Variants in MICU1 observed in about 807,000 individuals in gnomAD.
The protein encoded by MICU1 is mitochondrial calcium uptake 1.
Under a neutral mutation model 56.8 loss-of-function variants are expected in MICU1, and 45 were observed. The ratio of observed to expected loss-of-function variants is 0.79; its 90% CI spans 0.62 to 1.02. The LOEUF (loss-of-function observed/expected upper bound fraction) is 1.02. Ranked by LOEUF, MICU1 falls within the 50% of genes least tolerant of loss-of-function variation. MICU1 has a pLI of 0.00. For missense variants in MICU1, 504 were observed against 587.1 expected (o/e 0.86, Z 1.46); for synonymous variants, 186 against 195.1 (o/e 0.95, Z 0.39).
chr10:72,555,081 T>A (rs747531592), intron 3 of MICU1, among the ~76,000 whole-genome samples: 2 of 152,036 alleles, frequency 1.3e-5, no homozygotes, highest in African/African-American at 4.8e-5. Context: ...CTATGTGACG[T>A]TGAACAATAA....
At position 72,496,270 on chromosome 10, in the gene MICU1, T is replaced by C. The variant is rs568893709; in HGVS notation, c.652+11885A>G. On this transcript the variant is annotated intron_variant, in intron 6 of 11. Transcript: ENST00000361114. ...AGCCTCCTGAGCAGCTGGGATAATA[T>C]AGGCATGTGCCACCACGCCTGGCTA... 7.1e-4 allele frequency among the ~76,000 whole-genome samples: 107 copies of C among 150,768 alleles called. 1 individual carries two copies. Among genetic ancestry groups the C allele is most frequent in the African/African-American group, 7.3e-4 (30 of 40,920 alleles).
chr10:72,541,504 C>T (rs1419449388), intron 4 of MICU1, among the ~76,000 whole-genome samples: 1 of 152,180 alleles, frequency 6.6e-6, no homozygotes, highest in Admixed American at 6.5e-5. Context: ...AGACCCATGA[C>T]TCATGACTGA....
chr10:72,453,179 G>A (rs962603602), intron 8 of MICU1, among the ~76,000 whole-genome samples: 24 of 152,098 alleles, frequency 1.6e-4, no homozygotes, highest in African/African-American at 5.3e-4. Flanking sequence ...GAAATTGAAC[G>A]CAAAACCACA....
intron 6 of MICU1, among the ~76,000 whole-genome samples, chr10:72,487,327 T>C (rs1182153968): frequency 6.6e-6 from 1 of 152,090 alleles, no homozygotes; most frequent in Non-Finnish European, 1.5e-5. Context: ...AACTTTCCAT[T>C]TGATGAGTGC....
At chr10:72,573,076 T>C (rs918975677) in intron 1 of MICU1, among the ~76,000 whole-genome samples, 6 of 151,660 alleles carry the variant, frequency 4.0e-5, no homozygotes, top group African/African-American at 1.5e-4. Context: ...GAGAGATTGG[T>C]TAAAGTATGA....
chr10:72,544,354 C>T (rs1367454652), intron 4 of MICU1, among the ~76,000 whole-genome samples: 1 of 152,144 alleles, frequency 6.6e-6, no homozygotes, highest in East Asian at 1.9e-4. Flanking sequence ...TTGTCTGCGG[C>T]CTGTCCTGCT....
intron 10 of MICU1, chr10:72,379,340 G>A (rs2132043552): frequency 5.8e-6 from 1 of 172,476 alleles, no homozygotes; most frequent in Non-Finnish European, 1.3e-5. Flanking sequence ...AACTGTGATT[G>A]CCTACAGCTT....
chr10:72,390,596 T>C (rs1449016315), intron 10 of MICU1, among the ~76,000 whole-genome samples: 3 of 152,230 alleles, frequency 2.0e-5, no homozygotes, highest in African/African-American at 7.2e-5. Flanking sequence ...AAAGACTGGT[T>C]TGTAACCTCT....
chr10:72,465,317 T>TG (rs1239193602), intron 8 of MICU1, among the ~76,000 whole-genome samples: 3 of 150,340 alleles, frequency 2.0e-5, no homozygotes, highest in African/African-American at 7.3e-5. Context: ...TTGTTTTTTT[T>TG]TTTTTTTTTG....
chr10:72,531,736 AAAAG>A (rs1395644535), intron 5 of MICU1: 2 of 151,970 alleles, frequency 1.3e-5, no homozygotes, highest in African/African-American at 2.4e-5. Flanking sequence ...AAAAAATAAA[AAAAG>A]AAAGAAAAAT....
chr10:72,377,641 T>G (rs1862568496), intron 10 of MICU1, among the ~76,000 whole-genome samples: 1 of 152,150 alleles, frequency 6.6e-6, no homozygotes, highest in African/African-American at 2.4e-5. Context: ...CTGGTCTAGC[T>G]ACACCTATAA....
chr10:72,525,267 A>G (rs1447106344), intron 5 of MICU1, among the ~76,000 whole-genome samples: 1 of 152,150 alleles, frequency 6.6e-6, no homozygotes, highest in African/African-American at 2.4e-5. Flanking sequence ...GGTTTTAAAG[A>G]TTTTTTTCAA....
chr10:72,474,637 G>A (rs1445048762), intron 8 of MICU1, among the ~76,000 whole-genome samples: 2 of 152,180 alleles, frequency 1.3e-5, no homozygotes, highest in Admixed American at 6.5e-5. Context: ...GACTATGGGT[G>A]TATGCCACTG....
At chr10:72,520,822 T>C (rs1012186768) in intron 5 of MICU1, among the ~76,000 whole-genome samples, 1 of 152,154 alleles carries the variant, frequency 6.6e-6, no homozygotes, top group Admixed American at 6.5e-5. Context: ...ACAACTTTAC[T>C]GCAAAGGTTT....
rs543862323 is a variant in MICU1 at position 72,619,285 on chromosome 10, A to G, written c.-2+6725T>C. On this transcript the variant is annotated intron_variant, in intron 1 of 11. Transcript: ENST00000361114. ...CGGTGAAACCCTGTCTCTACTAAAA[A>G]TACAAAAAAATTAGCCAGGCATGGT... Among the ~76,000 whole-genome samples, 8 of 152,062 alleles carry G rather than the reference A, an allele frequency of 5.3e-5. No homozygotes were observed. The East Asian group carries it at 1.5e-3, about 29-fold the overall frequency.
At chr10:72,591,562 A>T (rs1020559201) in intron 1 of MICU1, among the ~76,000 whole-genome samples, 2 of 152,198 alleles carry the variant, frequency 1.3e-5, no homozygotes, top group Admixed American at 1.3e-4. Flanking sequence ...GATTTTACAG[A>T]AATAAAAGGG....
chr10:72,468,339 C>G (rs921322049), intron 8 of MICU1, among the ~76,000 whole-genome samples: 1 of 150,212 alleles, frequency 6.7e-6, no homozygotes, highest in African/African-American at 2.5e-5. Flanking sequence ...CCCCCTTACC[C>G]CTCTCAAATT....
At chr10:72,396,537 A>G (rs960149288) in intron 10 of MICU1, among the ~76,000 whole-genome samples, 6 of 152,216 alleles carry the variant, frequency 3.9e-5, no homozygotes, top group African/African-American at 1.2e-4. Flanking sequence ...AAAACCTTGA[A>G]AAAAGATTAG....
intron 1 of MICU1, among the ~76,000 whole-genome samples, chr10:72,614,445 C>A (rs773518646): frequency 1.3e-5 from 2 of 152,188 alleles, no homozygotes; most frequent in Non-Finnish European, 2.9e-5. Flanking sequence ...CAGCATTGTG[C>A]ACAACAGCCA....
Sources: gnomAD v4.1 joint callset for allele counts (sites outside exome capture counted in the v4.1 genomes callset) on GRCh38, gnomAD v4.1.1 for gene constraint, MANE v1.5 for transcripts, NCBI Gene and HGNC (gene_info 2026-07-23, HGNC 2026-07-21) for gene names.